The following PPIP5K2 variants were observed in gnomAD, a reference collection of about 807,000 sequenced individuals.
PPIP5K2 encodes the protein diphosphoinositol pentakisphosphate kinase 2, also known as inositol hexakisphosphate and diphosphoinositol-pentakisphosphate kinase 2.
In PPIP5K2, 105 loss-of-function variants were observed where a neutral mutation model predicts 154.6. The observed-to-expected ratio is 0.68, with a 90% CI of 0.58 to 0.80. PPIP5K2 has a LOEUF of 0.80. Ranked by LOEUF, PPIP5K2 falls within the 30% of genes least tolerant of loss-of-function variation. The pLI is 0.00. For synonymous variants in PPIP5K2, 480 were observed against 490.3 expected, an observed-to-expected ratio of 0.98 and a Z score of 0.28; for missense variants, 992 against 1,504.6, an observed-to-expected ratio of 0.66 and a Z score of 5.64.
intron 17 of PPIP5K2, among the ~76,000 whole-genome samples, 161 bp from the exon 18 acceptor site, chr5:103,167,018 G>C (rs537522382): frequency 6.6e-6 from 1 of 151,900 alleles, no homozygotes; most frequent in Non-Finnish European, 1.5e-5. Context: ...GTCCTTTGCA[G>C]TTCAAACCTG....
chr5:103,195,028 A>G lies in PPIP5K2; in HGVS notation c.3619+3A>G, dbSNP rs1801855942. 6.2e-7 allele frequency: 1 copy of G among 1,611,766 alleles called. No homozygotes were observed. The highest frequency in any genetic ancestry group is 1.3e-5 in the African/African-American group (1 of 74,794). ...CACTAAAGCAAGCAGCAAACCAGGT[A>G]AGGGGTGTGTGTGTTGAGTTTGTGG... On this transcript the variant is annotated splice_donor_region_variant and intron_variant, in intron 30 of 30. Transcript: ENST00000358359.
At chr5:103,154,232 G>A (rs1795057766) in intron 11 of PPIP5K2, among the ~76,000 whole-genome samples, 2 of 151,950 alleles carry the variant, frequency 1.3e-5, no homozygotes, top group Admixed American at 1.3e-4. Flanking sequence ...CTGAGAGTGA[G>A]TAATCCCTCA....
At chr5:103,173,077 A>T in intron 19 of PPIP5K2, 78 bp from the exon 20 acceptor site, 1 of 1,183,728 alleles carries the variant, frequency 8.4e-7, no homozygotes, top group South Asian at 1.8e-5. Context: ...GTCTCTCACT[A>T]GACTAATTTA....
intron 5 of PPIP5K2, among the ~76,000 whole-genome samples, chr5:103,141,327 G>T (rs556845288): frequency 6.6e-6 from 1 of 152,040 alleles, no homozygotes; most frequent in African/African-American, 2.4e-5. Context: ...TCGTGGTCTC[G>T]CTGGCTCAGG....
chr5:103,189,511 T>A lies in PPIP5K2; in HGVS notation c.3353-1331T>A, dbSNP rs1800898730. The stretch of plus-strand genomic sequence containing the variant: ...AAGGGTTTGCGCTCATTTGCATGAA[T>A]CTTGTACTTCTAAAAAATGTAACAG... On this transcript the variant is annotated intron_variant, in intron 28 of 30. Coordinates refer to ENST00000358359, the MANE Select transcript of PPIP5K2 (RefSeq NM_001276277.3). Among the ~76,000 whole-genome samples, 4 of 152,138 alleles carry A rather than the reference T, an allele frequency of 2.6e-5. No homozygotes were observed. The South Asian group carries it at 8.3e-4, about 31-fold the overall frequency.
At chr5:103,161,638 T>G (rs549394534) in intron 17 of PPIP5K2, among the ~76,000 whole-genome samples, 7,921 of 152,234 alleles carry the variant, frequency 0.052, 524 homozygotes, top group African/African-American at 0.16. Context: ...CCTGACTTTT[T>G]AATGATTGCC....
At chr5:103,176,730 C>A in intron 21 of PPIP5K2, 2 of 515,444 alleles carry the variant, frequency 3.9e-6, no homozygotes, top group Non-Finnish European at 3.4e-6. Context: ...TTAAGTAGAT[C>A]CTGTTAACTG....
intron 2 of PPIP5K2, among the ~76,000 whole-genome samples, chr5:103,133,073 A>G (rs1362542230): frequency 1.3e-5 from 2 of 152,234 alleles, no homozygotes; most frequent in African/African-American, 4.8e-5. Flanking sequence ...TACTTTAGGC[A>G]AGAGAATTCT....
chr5:103,149,305 G>A lies in PPIP5K2; in HGVS notation c.898G>A (p.Ala300Thr). Residue 300 changes from alanine to threonine, a missense_variant, in exon 8 of 31, where the codon GCT (alanine) becomes ACT (threonine). Physicochemically the swap from Ala to Thr is moderately conservative, Grantham distance 58 (BLOSUM62 0). Transcript: ENST00000358359. ...EKLIAWKVCL[A>T]FKQTVCGFDL... Reference sequence around the variant, plus strand: ...ATTAATTGCTTGGAAAGTCTGCCTTGCTTTTAAGGTAAGATGTTATACAGG... The same window carrying A: ...ATTAATTGCTTGGAAAGTCTGCCTTACTTTTAAGGTAAGATGTTATACAGG... 1 of 1,612,722 alleles carries A rather than the reference G, an allele frequency of 6.2e-7. No homozygotes were observed.
At chr5:103,166,868 G>C (rs1797207070) in intron 17 of PPIP5K2, among the ~76,000 whole-genome samples, 1 of 151,894 alleles carries the variant, frequency 6.6e-6, no homozygotes, top group Non-Finnish European at 1.5e-5. Flanking sequence ...TTTTCACATT[G>C]AGTAGGCTGA....
chr5:103,131,728 C>A (rs782500683), intron 2 of PPIP5K2, among the ~76,000 whole-genome samples: 1 of 152,082 alleles, frequency 6.6e-6, no homozygotes, highest in Non-Finnish European at 1.5e-5. Flanking sequence ...GTTTTTAAGA[C>A]TTCAAAGATG....
intron 7 of PPIP5K2, 84 bp downstream of exon 7, chr5:103,148,116 C>T: frequency 1.1e-6 from 1 of 950,150 alleles, no homozygotes; most frequent in Non-Finnish European, 1.7e-6. Flanking sequence ...TTAGCTATAT[C>T]TAACCTTTAT....
In PPIP5K2 at chr5:103,138,444, G is replaced by C; in HGVS notation, c.462G>C (p.Leu154Phe). 6.2e-7 allele frequency: 1 copy of C among 1,605,614 alleles called. No individual in the cohort carries two copies. Among genetic ancestry groups the C allele is most frequent in the South Asian group, 1.1e-5 (1 of 90,658 alleles). ...TTTTACTTCCTCGTTATGCTATTTT[G>C]AACCGTGACCCAAATAATCCCAAAG... ...EGILLPRYAI[L>F]NRDPNNPKEC... is the part of the protein sequence containing the mutation. Residue 154 changes from leucine (L) to phenylalanine (F), a missense_variant, in exon 5 of 31, where the codon TTG becomes TTC. This residue lies in a region of PPIP5K2 where 153 missense variants were observed against 200.4 expected (regional missense o/e 0.76). Transcript: ENST00000358359.
chr5:103,185,297 A>G (rs1315968424), intron 26 of PPIP5K2, among the ~76,000 whole-genome samples: 1 of 151,962 alleles, frequency 6.6e-6, no homozygotes, highest in Non-Finnish European at 1.5e-5. Flanking sequence ...ACCTTTCTAA[A>G]CTCATTTGGT....
At chr5:103,165,030 T>G (rs1796921720) in intron 17 of PPIP5K2, among the ~76,000 whole-genome samples, 1 of 152,046 alleles carries the variant, frequency 6.6e-6, no homozygotes, top group South Asian at 2.1e-4. Flanking sequence ...GGTAAGTCAC[T>G]CATCTGGGAA....
Position 103,209,873 on chromosome 5 carries a change from G to T in PPIP5K2, c.*8239G>T, listed in dbSNP as rs577899722. 2.0e-5 allele frequency: 3 copies of T among 152,198 alleles called. No individual in the cohort carries two copies. The East Asian group carries it at 5.8e-4, about 29-fold the overall frequency. The allele number at this position is 152,198 out of a possible 1,614,324, so 9.4% of individuals were successfully genotyped here. ...AAAAGCAGCATCGCTGATGTGTGGG[G>T]AATAAATTGGAAGTCATATCATTAC... On this transcript the variant is annotated 3_prime_UTR_variant, in exon 31 of 31. Coordinates refer to ENST00000358359, the MANE Select transcript of PPIP5K2 (RefSeq NM_001276277.3).
At chr5:103,136,319 G>A (rs1791492378) in intron 3 of PPIP5K2, among the ~76,000 whole-genome samples, 1 of 152,118 alleles carries the variant, frequency 6.6e-6, no homozygotes, top group Non-Finnish European at 1.5e-5. Context: ...GCTAATTTAT[G>A]TGTGTAGGCA....
intron 29 of PPIP5K2, among the ~76,000 whole-genome samples, chr5:103,192,436 AATG>A (rs1209992741): frequency 2.0e-5 from 3 of 152,052 alleles, no homozygotes; most frequent in African/African-American, 4.8e-5. Flanking sequence ...CTTCACCCTT[AATG>A]ATGTTTCATT....
At chr5:103,175,606 G>A (rs1294509226) in intron 21 of PPIP5K2, among the ~76,000 whole-genome samples, 4 of 152,110 alleles carry the variant, frequency 2.6e-5, no homozygotes, top group African/African-American at 9.7e-5. Flanking sequence ...TGGTTGAAGA[G>A]CCAGTGCCTT....
Sources: gnomAD v4.1 joint callset for allele counts (sites outside exome capture counted in the v4.1 genomes callset) on GRCh38, gnomAD v4.1.1 for gene constraint, gnomAD v4.1.1 regional missense constraint, MANE v1.5 for transcripts, NCBI Gene and HGNC (gene_info 2026-07-23, HGNC 2026-07-21) for gene names.